Variants in MED23 observed in about 807,000 individuals in gnomAD.
MED23 encodes mediator complex subunit 23.
A neutral mutation model predicts 163.9 loss-of-function variants in MED23; 105 were observed. The observed-to-expected ratio is 0.64, with a 90% CI of 0.55 to 0.75. The LOEUF is 0.75. Among genes scored for constraint, MED23 ranks in the 30% least tolerant of loss-of-function variants. The pLI, the probability that MED23 is intolerant of heterozygous loss-of-function variation, is 0.00. For synonymous variants in MED23, 561 were observed against 565.6 expected (o/e 0.99, Z 0.12); for missense variants, 1,054 against 1,649.0 (o/e 0.64, Z 6.25).
chr6:131,610,357 T>C lies in MED23; in HGVS notation c.877-111A>G, dbSNP rs1376972626. On this transcript the variant is annotated intron_variant, in intron 10 of 28. Transcript: ENST00000368068. The stretch of plus-strand genomic sequence containing the variant: ...AGAGGCTGAGAAGCACGGAATGAAG[T>C]TGAACTTAAGAAGTCAAGGTTAGAT... 29 of 1,048,730 alleles carry C rather than the reference T, an allele frequency of 2.8e-5. 1 individual carries two copies. In the Admixed American group the frequency reaches 3.4e-4, roughly 12 times the overall value. 65.0% of individuals were successfully genotyped at this position (1,048,730 alleles called of 1,614,324 possible). A position where few individuals can be genotyped will look rare whatever the true frequency, so the allele number is the denominator to read the frequency against.
At chr6:131,579,988 C>T (rs1773837510) in intron 30 of MED23, among the ~76,000 whole-genome samples, 1 of 152,064 alleles carries the variant, frequency 6.6e-6, no homozygotes, top group Admixed American at 6.6e-5. Context: ...GATTTTTCAT[C>T]AAGGGGTTAC....
intron 11 of MED23, 89 bp downstream of exon 11, chr6:131,609,957 G>T: frequency 1.6e-6 from 2 of 1,282,898 alleles, no homozygotes; most frequent in Non-Finnish European, 2.3e-6. Flanking sequence ...ACTTCTGTCA[G>T]TTCTAAAATC....
At chr6:131,596,325 T>G in intron 21 of MED23, 162 bp from the exon 22 acceptor site, 2 of 858,786 alleles carry the variant, frequency 2.3e-6, no homozygotes, top group East Asian at 5.3e-5. Flanking sequence ...TTATGTCCAC[T>G]AAAACTGCAG....
chr6:131,576,653 A>G (rs773399859), intron 30 of MED23: 1 of 1,612,734 alleles, frequency 6.2e-7, no homozygotes. Context: ...TTTATTTTTT[A>G]ATTGTTCAGC....
chr6:131,624,010 A>G (rs898275577), intron 4 of MED23, among the ~76,000 whole-genome samples: 4 of 152,228 alleles, frequency 2.6e-5, no homozygotes, highest in Non-Finnish European at 5.9e-5. Flanking sequence ...ACAAAGTAAG[A>G]ATGAAATAAT....
At chr6:131,589,353 G>GA (rs1774418213) in intron 28 of MED23, 112 bp downstream of exon 28, 1 of 1,091,810 alleles carries the variant, frequency 9.2e-7, no homozygotes, top group Non-Finnish European at 1.3e-6. Flanking sequence ...TTCCTTAAAA[G>GA]AAAAAATTAG....
intron 9 of MED23, among the ~76,000 whole-genome samples, chr6:131,617,718 T>C (rs1400665670): frequency 6.6e-6 from 1 of 152,202 alleles, no homozygotes; most frequent in Non-Finnish European, 1.5e-5. Context: ...AATGTAGATA[T>C]AGTTGTAAAA....
At position 131,610,146 on chromosome 6, in the gene MED23, G is replaced by T; in HGVS notation, c.977C>A (p.Thr326Lys). 1 of 1,614,080 alleles carries T rather than the reference G, an allele frequency of 6.2e-7. No individual in the cohort carries two copies. The highest frequency in any genetic ancestry group is 8.5e-7 in the Non-Finnish European group (1 of 1,179,970). ...ETEEKFDDGG[T>K]SQLLWQHLSS... ...GAGATGCTGCCACAGGAGTTGGCTT[G>T]TTCCCCCATCGTCAAACTTCTCCTC... The change falls in exon 11 of 29, where the codon ACA becomes AAA. Residue 326 changes from threonine to lysine, a missense_variant. By Grantham distance (78) the Thr-to-Lys change is moderately conservative. Transcript: ENST00000368068.
chr6:131,582,793 T>C (rs919674483), downstream of MED23: 8 of 1,217,834 alleles, frequency 6.6e-6, no homozygotes, highest in African/African-American at 1.5e-5. Flanking sequence ...ACCAACTCTA[T>C]GAGAGAAAAT....
chr6:131,591,050 G>A (rs1233429437), intron 26 of MED23, among the ~76,000 whole-genome samples: 1 of 151,036 alleles, frequency 6.6e-6, no homozygotes, highest in Non-Finnish European at 1.5e-5. Flanking sequence ...GCGCGATCTT[G>A]GTTCACTGCA....
intron 30 of MED23, among the ~76,000 whole-genome samples, chr6:131,578,018 G>A (rs1158580032): frequency 2.0e-5 from 3 of 151,642 alleles, no homozygotes; most frequent in Admixed American, 1.3e-4. Flanking sequence ...CCACTGATAC[G>A]ACATTCTGGA....
At chr6:131,576,482 A>C (rs908604424) in intron 30 of MED23, among the ~76,000 whole-genome samples, 1 of 152,226 alleles carries the variant, frequency 6.6e-6, no homozygotes, top group African/African-American at 2.4e-5. Context: ...TCTATTTGGC[A>C]TAAAAGTCAT....
At chr6:131,604,098 G>T in intron 15 of MED23, 80 bp downstream of exon 15, 1 of 1,445,390 alleles carries the variant, frequency 6.9e-7, no homozygotes, top group Non-Finnish European at 9.7e-7. Context: ...GTTCTCTGCT[G>T]TGTCCCCAGG....
rs779462509 is a variant in MED23 at position 131,627,684 on chromosome 6, A to AAC, written c.40-13_40-12insGT. 1.5e-5 allele frequency: 24 copies of AAC among 1,602,570 alleles called. No homozygotes were observed. The East Asian group carries it at 2.2e-4, about 15-fold the overall frequency. On this transcript the variant is annotated splice_polypyrimidine_tract_variant and intron_variant, in intron 1 of 28. Coordinates refer to ENST00000368068, the MANE Select transcript of MED23 (RefSeq NM_004830.4). ...ATAACTTCCGTTTTCTGTAAAAAAA[A>AAC]AAAAAACAAAATGTAAACAATGTTA...
At chr6:131,595,890 C>T (rs1386496951) in intron 22 of MED23, 57 bp downstream of exon 22, 2 of 1,290,874 alleles carry the variant, frequency 1.5e-6, no homozygotes, top group African/African-American at 2.9e-5. Flanking sequence ...GTGGTCCTGC[C>T]CATCCTACTT....
intron 30 of MED23, among the ~76,000 whole-genome samples, chr6:131,580,831 A>G (rs779800455): frequency 2.6e-5 from 4 of 152,194 alleles, no homozygotes; most frequent in Non-Finnish European, 5.9e-5. Context: ...ACCAAGAGAG[A>G]TGAGTGTACA....
chr6:131,614,870 TTTG>T (rs1585544348), intron 10 of MED23, among the ~76,000 whole-genome samples: 3 of 152,028 alleles, frequency 2.0e-5, no homozygotes, highest in African/African-American at 4.8e-5. Flanking sequence ...CATAAGTATT[TTTG>T]TTGTTGTTAT....
At position 131,595,981 on chromosome 6, in the gene MED23, T is replaced by G; in HGVS notation, c.2961A>C (p.Leu987=). 1 of 1,613,890 alleles carries G rather than the reference T, an allele frequency of 6.2e-7. No homozygotes were observed. Among genetic ancestry groups the G allele is most frequent in the Non-Finnish European group, 8.5e-7 (1 of 1,179,912 alleles). ...TATATAAGCCTCCTAGATGATCCAGTAGAGTCTCCAGTGATTTGGATACCG... is the reference window on the plus strand; with the variant it reads ...TATATAAGCCTCCTAGATGATCCAGGAGAGTCTCCAGTGATTTGGATACCG... ...LLPVSKSLET[L]LDHLGGLYKF... Residue 987 remains leucine, a synonymous_variant, in exon 22 of 29, where the codon CTA becomes CTC. Transcript: ENST00000368068.
intron 14 of MED23, among the ~76,000 whole-genome samples, chr6:131,604,968 A>G (rs975862877): frequency 1.3e-5 from 2 of 152,190 alleles, no homozygotes; most frequent in African/African-American, 4.8e-5. Flanking sequence ...CCTCATTCTT[A>G]ACTATCTATA....
Sources: gnomAD v4.1 joint callset for allele counts (sites outside exome capture counted in the v4.1 genomes callset) on GRCh38, gnomAD v4.1.1 for gene constraint, MANE v1.5 for transcripts, NCBI Gene and HGNC (gene_info 2026-07-23, HGNC 2026-07-21) for gene names.